Variants in MOXD1 observed in about 807,000 individuals in gnomAD.
The protein encoded by MOXD1 is monooxygenase DBH like 1.
MOXD1 carries 62 observed loss-of-function variants against 66.6 expected under a neutral mutation model. The observed-to-expected ratio is 0.93, with a 90% confidence interval of 0.76 to 1.15. MOXD1 has a LOEUF of 1.15. Among genes scored for constraint, MOXD1 ranks in the 50% most tolerant of loss-of-function variants. MOXD1 has a pLI of 0.00. For synonymous variants in MOXD1, 303 were observed against 281.9 expected (o/e 1.07, Z -0.75); for missense variants, 847 against 754.6 (o/e 1.12, Z -1.44).
At chr6:132,322,192 A>C (rs1369010167) in intron 8 of MOXD1, among the ~76,000 whole-genome samples, 1 of 152,210 alleles carries the variant, frequency 6.6e-6, no homozygotes, top group Non-Finnish European at 1.5e-5. Flanking sequence ...GTATTATGTC[A>C]AGCTGGATCA....
chr6:132,299,414 C>G (rs550908939), intron 10 of MOXD1, among the ~76,000 whole-genome samples: 3 of 152,148 alleles, frequency 2.0e-5, no homozygotes, highest in African/African-American at 7.2e-5. Context: ...ACATGCATCC[C>G]TTGAACCTAA....
In MOXD1 at chr6:132,401,297, G is replaced by T; in HGVS notation, c.130C>A (p.Arg44=). Residue 44 remains arginine, a synonymous_variant, in exon 1 of 12, where the codon CGG becomes AGG. Coordinates refer to ENST00000367963, the MANE Select transcript of MOXD1 (RefSeq NM_015529.4). ...AGGCGGAAGGCGATCTGGCTGCCCC[G>T]CTGGCTCCAGCCCAGCCAGTACTTG... ...EGKYWLGWSQ[R]GSQIAFRLQV... The T allele has an allele frequency of 6.3e-7, 1 of 1,596,460 alleles. No homozygotes were observed.
rs1299533846 is a variant in MOXD1 at position 132,303,831 on chromosome 6, GTGTGTATA to G, written c.1509-5884_1509-5877del. On this transcript the variant is annotated intron_variant, in intron 10 of 11. Transcript: ENST00000367963. The stretch of plus-strand genomic sequence containing the variant: ...CATGTGTGTGTGTGTGTGTGTGTGT[GTGTGTATA>G]TATATATATATATATATATATATAT... Among the ~76,000 whole-genome samples the G allele has an allele frequency of 7.2e-3, 477 of 66,548 alleles. 4 individuals carry two copies. The highest frequency in any genetic ancestry group is 0.025 in the African/African-American group (442 of 17,476). The allele number at this position is 66,548 out of a possible 152,430, so 43.7% of individuals were successfully genotyped here.
chr6:132,331,336 T>C (rs1775313446), intron 4 of MOXD1, among the ~76,000 whole-genome samples: 1 of 152,022 alleles, frequency 6.6e-6, no homozygotes, highest in African/African-American at 2.4e-5. Flanking sequence ...GAAGAAGCCA[T>C]TAGGGCAAAG....
intron 9 of MOXD1, 93 bp downstream of exon 9, chr6:132,320,536 T>A: frequency 9.2e-7 from 1 of 1,082,556 alleles, no homozygotes; most frequent in Admixed American, 2.8e-5. Flanking sequence ...CTTTTCTTTC[T>A]AAATGGAAAT....
intron 1 of MOXD1, among the ~76,000 whole-genome samples, chr6:132,382,837 T>C (rs1246464537): frequency 2.0e-5 from 3 of 152,174 alleles, no homozygotes; most frequent in South Asian, 2.1e-4. Flanking sequence ...AGATAACATA[T>C]ACCAAAAAAA....
At chr6:132,340,974 T>C (rs1171113783) in intron 4 of MOXD1, among the ~76,000 whole-genome samples, 1 of 152,186 alleles carries the variant, frequency 6.6e-6, no homozygotes, top group Non-Finnish European at 1.5e-5. Flanking sequence ...ATTTTTCATC[T>C]TCAAAGTGTC....
At position 132,393,946 on chromosome 6, in the gene MOXD1, G is replaced by C. The variant is rs184899814; in HGVS notation, c.264+7217C>G. ...TCACCAACACCAGCACTGACCACTT[G>C]GGTTCCAGAAAGTTGTCCCACCACA... On this transcript the variant is annotated intron_variant, in intron 1 of 11. Transcript: ENST00000367963. Among the ~76,000 whole-genome samples, 254 of 152,254 alleles carry C rather than the reference G, an allele frequency of 1.7e-3. 1 individual carries two copies. Among genetic ancestry groups the C allele is most frequent in the Non-Finnish European group, 2.3e-3 (159 of 68,016 alleles).
chr6:132,340,189 A>T (rs905725250), intron 4 of MOXD1, among the ~76,000 whole-genome samples: 16 of 152,044 alleles, frequency 1.1e-4, no homozygotes, highest in African/African-American at 3.9e-4. Flanking sequence ...GGCCAAAGCT[A>T]CAGCTCTTGA....
Position 132,315,837 on chromosome 6 carries a change from A to G in MOXD1, c.1366-60T>C. The G allele has an allele frequency of 2.0e-6, 3 of 1,524,034 alleles. No individual in the cohort carries two copies. The South Asian group carries it at 3.4e-5, about 18-fold the overall frequency. 94.4% of individuals were successfully genotyped at this position (1,524,034 alleles called of 1,614,324 possible). A position where few individuals can be genotyped will look rare whatever the true frequency, so the allele number is the denominator to read the frequency against. ...TTCTACCAACTTTGACATTTAAAGC[A>G]CACAAGTCATTAATGTCATACAGTT... On this transcript the variant is annotated intron_variant, in intron 9 of 11. Coordinates refer to ENST00000367963, the MANE Select transcript of MOXD1 (RefSeq NM_015529.4).
chr6:132,392,393 G>A lies in MOXD1; in HGVS notation c.264+8770C>T, dbSNP rs185757771. On this transcript the variant is annotated intron_variant, in intron 1 of 11. Transcript: ENST00000367963. Reference sequence around the variant, plus strand: ...AATCAATTTTCATGCAAATTCAACAGGCATATTCAACAACGTTGCTCTCTT... The same window carrying A: ...AATCAATTTTCATGCAAATTCAACAAGCATATTCAACAACGTTGCTCTCTT... 15 of 1,483,608 alleles carry A rather than the reference G, an allele frequency of 1.0e-5. No individual in the cohort carries two copies. The African/African-American group carries it at 2.0e-4, about 19-fold the overall frequency. The allele number at this position is 1,483,608 out of a possible 1,614,324, so 91.9% of individuals were successfully genotyped here.
Position 132,387,098 on chromosome 6 carries a change from T to C in MOXD1, c.265-12321A>G, listed in dbSNP as rs971359243. The stretch of plus-strand genomic sequence containing the variant: ...TTTGATATGCTCCAGTTTATCCATA[T>C]GTCCATTAAAAGCTATTTCCAGAAG... On this transcript the variant is annotated intron_variant, in intron 1 of 11. Transcript: ENST00000367963. Among the ~76,000 whole-genome samples, 18 of 151,404 alleles carry C rather than the reference T, an allele frequency of 1.2e-4. 1 individual carries two copies. Among genetic ancestry groups the C allele is most frequent in the African/African-American group, 3.4e-4 (14 of 41,392 alleles).
At chr6:132,392,154 A>G (rs1039479796) in intron 1 of MOXD1, 2 of 1,521,604 alleles carry the variant, frequency 1.3e-6, no homozygotes, top group African/African-American at 1.4e-5. Context: ...AAAGAAGCAC[A>G]TCGTTAACCA....
intron 1 of MOXD1, among the ~76,000 whole-genome samples, chr6:132,385,504 GAC>G (rs1409524276): frequency 1.6e-4 from 20 of 124,718 alleles, no homozygotes; most frequent in Middle Eastern, 4.2e-3. Context: ...TATTATTAGA[GAC>G]ACAGTTTCAC....
chr6:132,306,531 GAGA>G (rs1216535958), intron 10 of MOXD1, among the ~76,000 whole-genome samples: 2 of 151,958 alleles, frequency 1.3e-5, no homozygotes, highest in Non-Finnish European at 2.9e-5. Flanking sequence ...GATACTCCAC[GAGA>G]AGATCAACCC....
intron 4 of MOXD1, among the ~76,000 whole-genome samples, chr6:132,360,770 A>C (rs1192129469): frequency 1.3e-5 from 2 of 152,178 alleles, no homozygotes; most frequent in Non-Finnish European, 2.9e-5. Flanking sequence ...AAGACATAGC[A>C]CTGAATGCTG....
chr6:132,319,711 C>T (rs1775034867), intron 9 of MOXD1, among the ~76,000 whole-genome samples: 1 of 151,470 alleles, frequency 6.6e-6, no homozygotes, highest in South Asian at 2.1e-4. Flanking sequence ...ATAACAAATA[C>T]CCTTATATTC....
intron 10 of MOXD1, among the ~76,000 whole-genome samples, chr6:132,310,357 G>T (rs1052415640): frequency 6.6e-6 from 1 of 152,174 alleles, no homozygotes; most frequent in Non-Finnish European, 1.5e-5. Context: ...AGATGCTGGC[G>T]AGTCTGTGGA....
intron 1 of MOXD1, among the ~76,000 whole-genome samples, chr6:132,386,694 C>T (rs1306854242): frequency 2.6e-5 from 4 of 151,382 alleles, no homozygotes; most frequent in Non-Finnish European, 5.9e-5. Context: ...TCCCAGCTCC[C>T]ACCAAAGGAG....
Sources: gnomAD v4.1 joint callset for allele counts (sites outside exome capture counted in the v4.1 genomes callset) on GRCh38, gnomAD v4.1.1 for gene constraint, MANE v1.5 for transcripts, NCBI Gene and HGNC (gene_info 2026-07-23, HGNC 2026-07-21) for gene names.